LRRIQ1: variants seen among roughly 807,000 people sequenced by gnomAD.
LRRIQ1 encodes leucine rich repeats and IQ motif containing 1, also known as leucine-rich repeat- and IQ domain-containing protein 1.
Under a neutral mutation model 211.9 loss-of-function variants are expected in LRRIQ1, and 210 were observed. The ratio of observed to expected loss-of-function variants is 0.99; its 90% CI spans 0.89 to 1.11. LRRIQ1 has a LOEUF of 1.11. LRRIQ1 is among the 50% of genes most tolerant of loss of function. The pLI, the probability that LRRIQ1 is intolerant of heterozygous loss-of-function variation, is 0.00. For synonymous variants in LRRIQ1, 699 were observed against 650.1 expected, an observed-to-expected ratio of 1.08 and a Z score of -1.14; for missense variants, 2,136 against 1,939.5, an observed-to-expected ratio of 1.10 and a Z score of -1.90.
In LRRIQ1 at chr12:85,066,867, T is replaced by G; in HGVS notation, c.2664T>G (p.Leu888=). 1 of 1,542,842 alleles carries G rather than the reference T, an allele frequency of 6.5e-7. No individual in the cohort carries two copies. The part of the protein sequence containing the change: ...GLDGCTNIQC[L]ELSYNKITRI... ...ATGGCTGTACTAATATTCAGTGTCT[T>G]GAACTTTCATATAATAAAATTACTC... Residue 888 remains leucine (L), a synonymous_variant, in exon 10 of 27, where the codon CTT becomes CTG. Coordinates refer to ENST00000393217, the MANE Select transcript of LRRIQ1 (RefSeq NM_001079910.2).
At chr12:85,198,130 T>A (rs1436625671) in intron 24 of LRRIQ1, among the ~76,000 whole-genome samples, 2 of 122,892 alleles carry the variant, frequency 1.6e-5, no homozygotes, top group African/African-American at 6.3e-5. Context: ...ATAATATATA[T>A]TATATATAAT....
chr12:85,216,237 C>T (rs1008438916), intron 24 of LRRIQ1, among the ~76,000 whole-genome samples: 2 of 152,130 alleles, frequency 1.3e-5, no homozygotes, highest in African/African-American at 2.4e-5. Context: ...TGTTCTCGTT[C>T]AACTCCCACT....
intron 24 of LRRIQ1, among the ~76,000 whole-genome samples, chr12:85,190,389 G>T (rs1006170882): frequency 6.9e-6 from 1 of 144,830 alleles, no homozygotes; most frequent in East Asian, 2.0e-4. Flanking sequence ...TACAGTTAAT[G>T]TATATCATTA....
chr12:85,262,699 C>T (rs1298561081), intron 1 of LRRIQ1, among the ~76,000 whole-genome samples: 1 of 151,860 alleles, frequency 6.6e-6, no homozygotes, highest in Admixed American at 6.6e-5. Flanking sequence ...ATTTTTAGTA[C>T]CCTCCCTCTA....
At position 85,127,148 on chromosome 12, in the gene LRRIQ1, C is replaced by G. The variant is rs185700651; in HGVS notation, c.4008-684C>G. ...GATTAGTAAGAGTTAAATTACTAAA[C>G]ACACTGACAATCCACTTTTATAATC... is the stretch of plus-strand genomic sequence containing the variant. On this transcript the variant is annotated intron_variant, in intron 17 of 26. Transcript: ENST00000393217. Among the ~76,000 whole-genome samples, 551 of 152,300 alleles carry G rather than the reference C, an allele frequency of 3.6e-3. 17 individuals carry two copies. The highest frequency in any genetic ancestry group is 0.033 in the Admixed American group (499 of 15,302).
intron 11 of LRRIQ1, among the ~76,000 whole-genome samples, chr12:85,075,957 G>T (rs1883602433): frequency 6.6e-6 from 1 of 152,000 alleles, no homozygotes; most frequent in South Asian, 2.1e-4. Context: ...ATAGAGACAG[G>T]ATTTGAAACT....
intron 24 of LRRIQ1, among the ~76,000 whole-genome samples, chr12:85,202,646 C>G (rs1176573742): frequency 6.6e-6 from 1 of 152,162 alleles, no homozygotes; most frequent in African/African-American, 2.4e-5. Context: ...AGATTTTTCT[C>G]CATCTCTTTA....
intron 26 of LRRIQ1, among the ~76,000 whole-genome samples, chr12:85,240,556 C>A (rs1046685622): frequency 5.9e-5 from 9 of 152,092 alleles, no homozygotes; most frequent in African/African-American, 2.2e-4. Flanking sequence ...CATAAACTTT[C>A]ATAGCAGTGT....
At chr12:85,202,440 A>G (rs923886172) in intron 24 of LRRIQ1, among the ~76,000 whole-genome samples, 3 of 152,212 alleles carry the variant, frequency 2.0e-5, no homozygotes, top group African/African-American at 7.2e-5. Context: ...TCTCTTAAGA[A>G]CATGCTTCAT....
intron 26 of LRRIQ1, among the ~76,000 whole-genome samples, chr12:85,236,924 A>G (rs1895215425): frequency 6.7e-6 from 1 of 148,532 alleles, no homozygotes; most frequent in Non-Finnish European, 1.5e-5. Context: ...TGTATTATTT[A>G]TACACATATA....
chr12:85,265,084 A>G (rs760196543), downstream of LRRIQ1, among the ~76,000 whole-genome samples: 41 of 152,092 alleles, frequency 2.7e-4, no homozygotes, highest in Non-Finnish European at 5.7e-4. Flanking sequence ...TCCACCAACA[A>G]TATATTTGTG....
chr12:85,073,561 C>T (rs950251284), intron 11 of LRRIQ1, among the ~76,000 whole-genome samples: 10 of 152,004 alleles, frequency 6.6e-5, no homozygotes, highest in African/African-American at 2.4e-4. Flanking sequence ...ATTTTCATTG[C>T]CAGCAGTGCT....
At chr12:85,165,646 T>C (rs1189488402) in intron 24 of LRRIQ1, among the ~76,000 whole-genome samples, 3 of 151,908 alleles carry the variant, frequency 2.0e-5, no homozygotes, top group Non-Finnish European at 4.4e-5. Context: ...CTAATTTCTT[T>C]TGTATTTTAG....
intron 8 of LRRIQ1, 68 bp downstream of exon 8, chr12:85,057,252 G>T (rs1592712929): frequency 9.0e-7 from 1 of 1,106,948 alleles, no homozygotes; most frequent in East Asian, 2.9e-5. Context: ...TAACTTTTCA[G>T]ATCTTAGAAA....
chr12:85,219,484 CA>C (rs1412040156), intron 24 of LRRIQ1, among the ~76,000 whole-genome samples: 1 of 152,000 alleles, frequency 6.6e-6, no homozygotes, highest in African/African-American at 2.4e-5. Context: ...TCTTTGCCTT[CA>C]TAAAGGTTAT....
At chr12:85,175,691 A>T (rs1351806078) in intron 24 of LRRIQ1, among the ~76,000 whole-genome samples, 1 of 152,098 alleles carries the variant, frequency 6.6e-6, no homozygotes, top group Non-Finnish European at 1.5e-5. Context: ...TATAAGGTGT[A>T]AGGAAGGGAT....
intron 7 of LRRIQ1, among the ~76,000 whole-genome samples, chr12:85,055,182 G>T (rs1444378817): frequency 2.0e-5 from 3 of 151,970 alleles, no homozygotes; most frequent in South Asian, 4.1e-4. Flanking sequence ...AAAGTTTGAA[G>T]TCCTTTTCTT....
At chr12:85,039,661 A>C (rs1878627755) in intron 2 of LRRIQ1, among the ~76,000 whole-genome samples, 1 of 151,716 alleles carries the variant, frequency 6.6e-6, no homozygotes, top group Admixed American at 6.6e-5. Flanking sequence ...TAAATTCAAC[A>C]CATGAAAACC....
At chr12:85,115,781 C>A (rs371979288) in intron 15 of LRRIQ1, among the ~76,000 whole-genome samples, 1 of 151,914 alleles carries the variant, frequency 6.6e-6, no homozygotes, top group East Asian at 1.9e-4. Flanking sequence ...TCCATATTAT[C>A]TTTGAATGTA....
Sources: allele counts gnomAD v4.1 joint callset (sites outside exome capture counted in the v4.1 genomes callset), GRCh38; gene constraint gnomAD v4.1.1; transcripts MANE v1.5; gene names NCBI Gene and HGNC (gene_info 2026-07-23, HGNC 2026-07-21).